CLASRP: variants seen among roughly 807,000 people sequenced by gnomAD.
The protein encoded by CLASRP is CLK4 associating serine/arginine rich protein.
CLASRP carries 52 observed loss-of-function variants against 99.9 expected under a neutral mutation model. That is an observed-to-expected ratio of 0.52 (90% CI 0.42 to 0.66). The LOEUF (loss-of-function observed/expected upper bound fraction) is 0.66. Ranked by LOEUF, CLASRP falls within the 30% of genes least tolerant of loss-of-function variation. The pLI is 0.00. For missense variants in CLASRP, 848 were observed against 999.2 expected, an observed-to-expected ratio of 0.85 and a Z score of 2.04; for synonymous variants, 379 against 373.0, an observed-to-expected ratio of 1.02 and a Z score of -0.18.
intron 10 of CLASRP, 107 bp from the exon 11 acceptor site, chr19:45,062,045 CTG>C: frequency 2.6e-6 from 2 of 770,778 alleles, no homozygotes; most frequent in Non-Finnish European, 4.6e-6. Flanking sequence ...AGCCCCCTCA[CTG>C]TGCCAGGTAC....
In CLASRP at chr19:45,059,273, G is replaced by A. The variant is rs1362773076; in HGVS notation, c.619G>A (p.Glu207Lys). 6.2e-7 allele frequency: 1 copy of A among 1,609,866 alleles called. No individual in the cohort carries two copies. ...CAGCCTTTCTCTTGGTGCAGACGTG[G>A]AGGTGGACGTGGATGAATTGAACCA... The part of the protein sequence containing the change: ...EDEVIPDIDV[E>K]VDVDELNQEQ... Residue 207 changes from glutamate (E) to lysine (K), a missense_variant, in exon 8 of 21, where the codon GAG (glutamate) becomes AAG (lysine). This residue lies in a region of CLASRP where 119 missense variants were observed against 170.2 expected (regional missense o/e 0.70). Coordinates refer to ENST00000221455, the MANE Select transcript of CLASRP (RefSeq NM_007056.3).
intron 5 of CLASRP, among the ~76,000 whole-genome samples, chr19:45,053,991 A>G (rs1196081253): frequency 6.6e-6 from 1 of 152,186 alleles, no homozygotes; most frequent in Non-Finnish European, 1.5e-5. Context: ...CTAAAAAGGA[A>G]ATTTCTCCTT....
At chr19:45,040,688 A>C (rs1971796082) in intron 2 of CLASRP, 1 of 199,550 alleles carries the variant, frequency 5.0e-6, no homozygotes, top group African/African-American at 2.3e-5. Context: ...ACACAATAGG[A>C]GTGAGTATTA....
At chr19:45,054,326 T>G (rs1972081912) in intron 5 of CLASRP, among the ~76,000 whole-genome samples, 1 of 152,174 alleles carries the variant, frequency 6.6e-6, no homozygotes, top group South Asian at 2.1e-4. Context: ...CTCAGCTCAC[T>G]GCAACCTCCA....
At chr19:45,065,668 T>G (rs962140866) in intron 13 of CLASRP, among the ~76,000 whole-genome samples, 4 of 151,686 alleles carry the variant, frequency 2.6e-5, no homozygotes, top group Admixed American at 2.6e-4. Context: ...TCCACCCCCT[T>G]CCGGTCCCCT....
chr19:45,040,381 A>G, intron 2 of CLASRP, 70 bp downstream of exon 2: 1 of 1,078,298 alleles, frequency 9.3e-7, no homozygotes, highest in Non-Finnish European at 1.4e-6. Context: ...ATCCTGGTAA[A>G]ATCTGGGCTT....
At chr19:45,062,636 CT>C (rs929969983) in intron 11 of CLASRP, among the ~76,000 whole-genome samples, 4 of 152,354 alleles carry the variant, frequency 2.6e-5, no homozygotes, top group Non-Finnish European at 4.4e-5. Flanking sequence ...CCACCTCAGC[CT>C]CCCAAAGTGC....
In CLASRP at chr19:45,062,135, C is replaced by A; in HGVS notation, c.864-19C>A. 1 of 1,446,314 alleles carries A rather than the reference C, an allele frequency of 6.9e-7. No individual in the cohort carries two copies. Among genetic ancestry groups the A allele is most frequent in the African/African-American group, 1.4e-5 (1 of 71,576 alleles). 89.6% of individuals were successfully genotyped at this position (1,446,314 alleles called of 1,614,324 possible). A position where few individuals can be genotyped will look rare whatever the true frequency, so the allele number is the denominator to read the frequency against. ...GATCTTAAGCCCTAATTTGTCCCAC[C>A]CCATTCTTTTCTCTGTAGCTATGCC... On this transcript the variant is annotated intron_variant, in intron 10 of 20. Coordinates refer to ENST00000221455, the MANE Select transcript of CLASRP (RefSeq NM_007056.3).
Position 45,070,218 on chromosome 19 carries a change from G to A in CLASRP, c.1957+114G>A, listed in dbSNP as rs1262484779. Reference sequence around the variant, plus strand: ...GCGGTGGCTCACGCCTGTAATCCCAGCACTTTGGGAGGCTGAGGTGGGTGG... The same window carrying A: ...GCGGTGGCTCACGCCTGTAATCCCAACACTTTGGGAGGCTGAGGTGGGTGG... On this transcript the variant is annotated intron_variant, in intron 19 of 20. Transcript: ENST00000221455. 8 of 741,466 alleles carry A rather than the reference G, an allele frequency of 1.1e-5. No homozygotes were observed. In the East Asian group the frequency reaches 2.0e-4, roughly 19 times the overall value. The allele number at this position is 741,466 out of a possible 1,614,324, so 45.9% of individuals were successfully genotyped here.
chr19:45,057,330 CTT>C (rs1972138602), intron 6 of CLASRP, among the ~76,000 whole-genome samples: 1 of 152,202 alleles, frequency 6.6e-6, no homozygotes, highest in Non-Finnish European at 1.5e-5. Flanking sequence ...TTCTTGGAGA[CTT>C]CAGCCCTCGT....
rs545788227 is a variant in CLASRP at position 45,057,745 on chromosome 19, C to T, written c.465-5C>T. 1.1e-5 allele frequency: 18 copies of T among 1,613,796 alleles called. No individual in the cohort carries two copies. The highest frequency in any genetic ancestry group is 1.5e-5 in the Non-Finnish European group (18 of 1,179,858). ...GGCCCTGGCTTACCAGCTCCCCTTT[C>T]TCAGGCTGGCAGAGAAGAAGGCTTC... On this transcript the variant is annotated splice_region_variant and splice_polypyrimidine_tract_variant and intron_variant, in intron 6 of 20. Coordinates refer to ENST00000221455, the MANE Select transcript of CLASRP (RefSeq NM_007056.3).
chr19:45,043,695 A>C (rs1473411711), intron 2 of CLASRP, among the ~76,000 whole-genome samples: 1 of 152,164 alleles, frequency 6.6e-6, no homozygotes, highest in Admixed American at 6.6e-5. Flanking sequence ...TCCACTCAGC[A>C]GAGAAGAGGA....
In CLASRP at chr19:45,053,113, G is replaced by T; in HGVS notation, c.315G>T (p.Glu105Asp). The T allele has an allele frequency of 1.2e-6, 2 of 1,614,082 alleles. No homozygotes were observed. Among genetic ancestry groups the T allele is most frequent in the Non-Finnish European group, 1.7e-6 (2 of 1,180,020 alleles). ...PLLTTISPEQ[E>D]SDERKCNYER... ...TTCCCTAAAGCTCCCCAGAACAGGA[G>T]TCGGACGAACGGAAGTGTAACTACG... Residue 105 changes from glutamate to aspartate, a missense_variant, in exon 5 of 21, where the codon GAG (glutamate) becomes GAT (aspartate). Transcript: ENST00000221455.
At chr19:45,062,022 C>T in intron 10 of CLASRP, 132 bp from the exon 11 acceptor site, 1 of 706,932 alleles carries the variant, frequency 1.4e-6, no homozygotes, top group East Asian at 2.5e-5. Context: ...GGGAGGCCCC[C>T]AACCTGGTCA....
rs201962347 is a variant in CLASRP, at chr19:45,045,803, C to T, written c.99+5492C>T. Among the ~76,000 whole-genome samples, 7 of 152,064 alleles carry T rather than the reference C, an allele frequency of 4.6e-5. No homozygotes were observed. The East Asian group carries it at 5.8e-4, about 13-fold the overall frequency. On this transcript the variant is annotated intron_variant, in intron 2 of 20. Transcript: ENST00000221455. ...AGAGCAGCCTGGCCAGCGTCGCTATCGCTCAGTAAATATTAGCTCTTGTTA... is the reference window on the plus strand; with the variant it reads ...AGAGCAGCCTGGCCAGCGTCGCTATTGCTCAGTAAATATTAGCTCTTGTTA...
At chr19:45,057,690 T>C (rs1206802432) in intron 6 of CLASRP, 60 bp from the exon 7 acceptor site, 2 of 1,599,872 alleles carry the variant, frequency 1.3e-6, no homozygotes, top group African/African-American at 1.3e-5. Context: ...TGTGTGGGGC[T>C]AGCCTGGGGC....
intron 13 of CLASRP, among the ~76,000 whole-genome samples, chr19:45,066,364 C>T (rs1002863365): frequency 1.2e-4 from 18 of 152,226 alleles, no homozygotes; most frequent in Admixed American, 1.1e-3. Flanking sequence ...ATGATCCACC[C>T]ACCTTTGCCT....
chr19:45,055,883 G>A (rs1317446584), intron 5 of CLASRP, among the ~76,000 whole-genome samples: 1 of 151,720 alleles, frequency 6.6e-6, no homozygotes, highest in African/African-American at 2.4e-5. Context: ...AGGAAGGAAG[G>A]GGACTTACAA....
At position 45,060,478 on chromosome 19, in the gene CLASRP, G is replaced by A. The variant is rs1022789258; in HGVS notation, c.789+11G>A. 4 of 1,614,146 alleles carry A rather than the reference G, an allele frequency of 2.5e-6. No homozygotes were observed. The Admixed American group carries it at 6.7e-5, about 27-fold the overall frequency. ...AAGGCCATGTACTCGGTGAGGTCTG[G>A]GCTGGAGTGGAAGGGGACAGGGGTG... On this transcript the variant is annotated intron_variant, in intron 9 of 20. Transcript: ENST00000221455. This position sits in a 1 kb window ranked among gnomAD's most constrained non-coding sequence, Gnocchi z 4.6.
Sources: allele counts gnomAD v4.1 joint callset (sites outside exome capture counted in the v4.1 genomes callset), GRCh38; gene constraint gnomAD v4.1.1; regional missense constraint gnomAD v4.1.1; non-coding constraint Gnocchi (gnomAD v3.1); transcripts MANE v1.5; gene names NCBI Gene and HGNC (gene_info 2026-07-23, HGNC 2026-07-21).